Variants in FBXL7 observed in about 807,000 individuals in gnomAD.
FBXL7 encodes the protein F-box and leucine rich repeat protein 7.
Under a neutral mutation model 38.3 loss-of-function variants are expected in FBXL7, and 12 were observed. The ratio of observed to expected loss-of-function variants is 0.31; its 90% confidence interval spans 0.20 to 0.51. The LOEUF (loss-of-function observed/expected upper bound fraction) is 0.51. FBXL7 is among the 20% of genes least tolerant of loss of function. The probability of loss-of-function intolerance (pLI) is 0.98; values close to 1 mark genes in which losing one functional copy is unlikely to be tolerated. For synonymous variants in FBXL7, 297 were observed against 300.9 expected, an observed-to-expected ratio of 0.99 and a Z score of 0.13; for missense variants, 567 against 676.4, an observed-to-expected ratio of 0.84 and a Z score of 1.79.
At chr5:15,683,176 G>A (rs185660161) in intron 2 of FBXL7, among the ~76,000 whole-genome samples, 1 of 152,276 alleles carries the variant, frequency 6.6e-6, no homozygotes, top group East Asian at 1.9e-4. Flanking sequence ...AGTCTCTGGA[G>A]ACCTAAAACT....
chr5:15,777,550 A>G (rs546522658), intron 2 of FBXL7, among the ~76,000 whole-genome samples: 2 of 151,866 alleles, frequency 1.3e-5, no homozygotes, highest in South Asian at 2.1e-4. Context: ...CTGTTATGAG[A>G]TTGTCAGACT....
rs114521762 is a variant in FBXL7 at position 15,744,164 on chromosome 5, G to A, written c.127+128092G>A. 5.2e-3 allele frequency among the ~76,000 whole-genome samples: 799 copies of A among 152,274 alleles called. 4 individuals carry two copies. The highest frequency in any genetic ancestry group is 0.017 in the Middle Eastern group (5 of 294). ...CTTGTTACTCATGCAAATTTCTGAA[G>A]CCAGCTTAAATTTCTCCCTGGAAAA... On this transcript the variant is annotated intron_variant, in intron 2 of 3. Transcript: ENST00000504595.
chr5:15,862,088 G>A (rs1739499403), intron 2 of FBXL7, among the ~76,000 whole-genome samples: 2 of 152,118 alleles, frequency 1.3e-5, no homozygotes, highest in African/African-American at 4.8e-5. Flanking sequence ...ACCTTAATGT[G>A]GTTTGACTGT....
Position 15,678,426 on chromosome 5 carries a change from A to G in FBXL7, c.127+62354A>G, listed in dbSNP as rs116972926. Among the ~76,000 whole-genome samples the G allele has an allele frequency of 8.9e-4, 135 of 152,340 alleles. 3 individuals are homozygous for G. The East Asian group carries it at 0.023, about 26-fold the overall frequency. The stretch of plus-strand genomic sequence containing the variant: ...ACCGGTGTCATATATGTAAGAAAGC[A>G]TGCCTTGATAGTTGAGATTTGTGGA... On this transcript the variant is annotated intron_variant, in intron 2 of 3. Coordinates refer to ENST00000504595, the MANE Select transcript of FBXL7 (RefSeq NM_012304.5).
intron 2 of FBXL7, among the ~76,000 whole-genome samples, chr5:15,834,076 T>A (rs1738526001): frequency 6.6e-6 from 1 of 152,196 alleles, no homozygotes; most frequent in Non-Finnish European, 1.5e-5. Context: ...TTATTGTATT[T>A]GTTAGTGTAT....
intron 2 of FBXL7, among the ~76,000 whole-genome samples, chr5:15,619,113 G>T (rs1409340946): frequency 6.6e-6 from 1 of 152,112 alleles, no homozygotes; most frequent in Non-Finnish European, 1.5e-5. Context: ...TTACCCTTAG[G>T]AACTGAGCAT....
intron 1 of FBXL7, among the ~76,000 whole-genome samples, chr5:15,517,705 G>A (rs1471352850): frequency 2.0e-5 from 3 of 152,208 alleles, no homozygotes; most frequent in Admixed American, 1.3e-4. Context: ...CACTGAAGAG[G>A]CAGGTGGATT....
At chr5:15,811,646 A>C (rs1444656417) in intron 2 of FBXL7, among the ~76,000 whole-genome samples, 3 of 152,058 alleles carry the variant, frequency 2.0e-5, no homozygotes. Flanking sequence ...ATTTACGAGA[A>C]AAAAAATGAC....
At chr5:15,684,631 T>G (rs1742954232) in intron 2 of FBXL7, among the ~76,000 whole-genome samples, 2 of 152,316 alleles carry the variant, frequency 1.3e-5, no homozygotes, top group South Asian at 4.1e-4. Flanking sequence ...TAATCACTGG[T>G]GTCCTTATAA....
At chr5:15,577,595 TGTGTG>T (rs1401225545) in intron 1 of FBXL7, among the ~76,000 whole-genome samples, 2 of 1,130 alleles carry the variant, frequency 1.8e-3, no homozygotes, top group Non-Finnish European at 2.9e-3. Flanking sequence ...TAATGCATTT[TGTGTG>T]TGTGTGTGTG....
chr5:15,792,708 T>A (rs1174593777), intron 2 of FBXL7, among the ~76,000 whole-genome samples: 3 of 152,096 alleles, frequency 2.0e-5, no homozygotes, highest in Non-Finnish European at 4.4e-5. Flanking sequence ...CAGCACCACC[T>A]CCCTATCATC....
At chr5:15,573,087 A>T (rs1738840969) in intron 1 of FBXL7, among the ~76,000 whole-genome samples, 1 of 152,220 alleles carries the variant, frequency 6.6e-6, no homozygotes. Flanking sequence ...TGTGTCCTGC[A>T]GTATCTGGAC....
intron 2 of FBXL7, among the ~76,000 whole-genome samples, chr5:15,835,268 C>T (rs1410116706): frequency 6.6e-6 from 1 of 152,094 alleles, no homozygotes; most frequent in Non-Finnish European, 1.5e-5. Context: ...ACTTTAACTC[C>T]ATTTCTTATG....
At chr5:15,924,766 A>G (rs897363284) in intron 2 of FBXL7, among the ~76,000 whole-genome samples, 3 of 151,808 alleles carry the variant, frequency 2.0e-5, no homozygotes, top group African/African-American at 7.3e-5. Context: ...AGCTGGGATC[A>G]TAGAGGTGTG....
chr5:15,561,278 A>C (rs1204303905), intron 1 of FBXL7, among the ~76,000 whole-genome samples: 2 of 152,012 alleles, frequency 1.3e-5, no homozygotes, highest in African/African-American at 2.4e-5. Flanking sequence ...GCTATGTATT[A>C]TTATTTTTAA....
chr5:15,857,494 T>C (rs1739305932), intron 2 of FBXL7, among the ~76,000 whole-genome samples: 1 of 152,206 alleles, frequency 6.6e-6, no homozygotes, highest in East Asian at 1.9e-4. Context: ...GAGTCCATGC[T>C]CTTCACTTGC....
At chr5:15,571,010 T>G (rs10053439) in intron 1 of FBXL7, among the ~76,000 whole-genome samples, 3,392 of 151,272 alleles carry the variant, frequency 0.022, 117 homozygotes, top group African/African-American at 0.076. Context: ...GAGAATTGTT[T>G]GAACCTGGGA....
chr5:15,586,733 T>G (rs1739319380), intron 1 of FBXL7, among the ~76,000 whole-genome samples: 1 of 152,190 alleles, frequency 6.6e-6, no homozygotes. Context: ...AAACTACACA[T>G]AGAAGTCAGG....
intron 2 of FBXL7, among the ~76,000 whole-genome samples, chr5:15,683,765 G>A (rs1235293169): frequency 6.6e-6 from 1 of 152,030 alleles, no homozygotes; most frequent in Non-Finnish European, 1.5e-5. Flanking sequence ...AGCAAAAATT[G>A]TTCAGCACAT....
Sources: allele counts gnomAD v4.1 joint callset (sites outside exome capture counted in the v4.1 genomes callset), GRCh38; gene constraint gnomAD v4.1.1; transcripts MANE v1.5; gene names NCBI Gene and HGNC (gene_info 2026-07-23, HGNC 2026-07-21).